The following SLC25A21 variants were observed in gnomAD, a reference collection of about 807,000 sequenced individuals.
SLC25A21 encodes mitochondrial 2-oxodicarboxylate carrier.
SLC25A21 carries 47 observed loss-of-function variants against 43.8 expected under a neutral mutation model. The ratio of observed to expected loss-of-function variants is 1.07; its 90% CI spans 0.85 to 1.37. The LOEUF (loss-of-function observed/expected upper bound fraction) is 1.37. Ranked by LOEUF, SLC25A21 falls within the 40% of genes most tolerant of loss-of-function variation. The pLI is 0.00. For missense variants in SLC25A21, 352 were observed against 350.2 expected (o/e 1.00, Z -0.04); for synonymous variants, 131 against 121.3 (o/e 1.08, Z -0.52).
At chr14:36,984,297 GTGAAGC>G in intron 1 of SLC25A21, among the ~76,000 whole-genome samples, 1 of 152,278 alleles carries the variant, frequency 6.6e-6, no homozygotes, top group East Asian at 1.9e-4. Flanking sequence ...CTGACATTAT[GTGAAGC>G]TGCTCATGAT....
chr14:36,942,374 C>G (rs972815291), intron 1 of SLC25A21, among the ~76,000 whole-genome samples: 2 of 152,144 alleles, frequency 1.3e-5, no homozygotes, highest in Non-Finnish European at 2.9e-5. Flanking sequence ...TATCTTGGGA[C>G]AAGAACTAAG....
intron 3 of SLC25A21, among the ~76,000 whole-genome samples, chr14:36,782,333 A>T (rs1298296946): frequency 6.6e-6 from 1 of 152,036 alleles, no homozygotes; most frequent in Non-Finnish European, 1.5e-5. Context: ...TGCTTTCTCT[A>T]TCTTCTCCCC....
chr14:36,694,026 T>G (rs2139156508), intron 7 of SLC25A21, among the ~76,000 whole-genome samples: 1 of 152,308 alleles, frequency 6.6e-6, no homozygotes, highest in African/African-American at 2.4e-5. Context: ...ACTCATCATT[T>G]ACATTAGGTA....
chr14:36,915,509 C>T (rs761973981), intron 1 of SLC25A21, among the ~76,000 whole-genome samples: 1 of 151,902 alleles, frequency 6.6e-6, no homozygotes, highest in Non-Finnish European at 1.5e-5. Context: ...TAATACTGTC[C>T]ATCTTGTTAG....
intron 2 of SLC25A21, among the ~76,000 whole-genome samples, chr14:36,825,699 T>G (rs922204291): frequency 5.9e-5 from 9 of 152,182 alleles, no homozygotes; most frequent in African/African-American, 2.2e-4. Context: ...AACTCTCTGT[T>G]CTACAAATTG....
intron 1 of SLC25A21, among the ~76,000 whole-genome samples, chr14:37,163,027 A>C (rs1385895641): frequency 6.6e-6 from 1 of 152,054 alleles, no homozygotes; most frequent in East Asian, 1.9e-4. Flanking sequence ...CATTCTCAGT[A>C]AACTATCACA....
At chr14:37,120,190 C>T (rs1594802774) in intron 1 of SLC25A21, among the ~76,000 whole-genome samples, 1 of 152,004 alleles carries the variant, frequency 6.6e-6, no homozygotes, top group East Asian at 1.9e-4. Flanking sequence ...GAAGATTTTC[C>T]CTTCCTTTAA....
Position 37,116,070 on chromosome 14 carries a change from CAA to C in SLC25A21, c.70+56209_70+56210del, listed in dbSNP as rs1433636055. The stretch of plus-strand genomic sequence containing the variant: ...CTTTAACAGAAAGGATAAGAAAACT[CAA>C]AGAGTTTTGAAGTATTGGCTTTAAA... On this transcript the variant is annotated intron_variant, in intron 1 of 9. Transcript: ENST00000331299. 3.9e-5 allele frequency among the ~76,000 whole-genome samples: 6 copies of C among 151,950 alleles called. No individual in the cohort carries two copies. In the South Asian group the frequency reaches 1.2e-3, roughly 31 times the overall value.
intron 3 of SLC25A21, among the ~76,000 whole-genome samples, chr14:36,797,393 C>A (rs1300087641): frequency 6.6e-6 from 1 of 152,098 alleles, no homozygotes; most frequent in African/African-American, 2.4e-5. Context: ...TCCTTAAAAC[C>A]AGTTTCAGAA....
intron 2 of SLC25A21, among the ~76,000 whole-genome samples, chr14:36,843,859 T>C (rs1594634634): frequency 6.6e-6 from 1 of 152,240 alleles, no homozygotes; most frequent in African/African-American, 2.4e-5. Flanking sequence ...CAGTGCAACA[T>C]GTTGCATTCA....
At chr14:36,805,641 T>A (rs1333197194) in intron 3 of SLC25A21, among the ~76,000 whole-genome samples, 1 of 152,040 alleles carries the variant, frequency 6.6e-6, no homozygotes. Flanking sequence ...CTGTTGTTTT[T>A]AAAACTATTG....
At chr14:37,066,897 A>C (rs565828850) in intron 1 of SLC25A21, among the ~76,000 whole-genome samples, 9 of 152,302 alleles carry the variant, frequency 5.9e-5, no homozygotes, top group Non-Finnish European at 1.3e-4. Flanking sequence ...TAAATGTTTA[A>C]AATTATTTTC....
In SLC25A21 at chr14:36,884,216, T is replaced by A. The variant is rs144647942; in HGVS notation, c.71-9212A>T. Among the ~76,000 whole-genome samples the A allele has an allele frequency of 4.9e-3, 743 of 152,282 alleles. 15 individuals are homozygous for A. The highest frequency in any genetic ancestry group is 3.5e-3 in the Non-Finnish European group (238 of 68,024). ...GGGTTCAACTTTTTAAGATACTGCATGTAAGTGCGATCATGCAGTATTTGT... is the reference window on the plus strand; with the variant it reads ...GGGTTCAACTTTTTAAGATACTGCAAGTAAGTGCGATCATGCAGTATTTGT... On this transcript the variant is annotated intron_variant, in intron 1 of 9. Transcript: ENST00000331299.
intron 1 of SLC25A21, among the ~76,000 whole-genome samples, chr14:36,887,379 A>G (rs1001715826): frequency 6.6e-6 from 1 of 152,014 alleles, no homozygotes; most frequent in Non-Finnish European, 1.5e-5. Context: ...CCTGGCCAAC[A>G]TGGTGAAATC....
At chr14:36,927,892 A>G (rs1220048919) in intron 1 of SLC25A21, among the ~76,000 whole-genome samples, 2 of 152,146 alleles carry the variant, frequency 1.3e-5, no homozygotes, top group Non-Finnish European at 2.9e-5. Context: ...ACAGAGCATG[A>G]GCAACTACTT....
rs1339924162 is a variant in SLC25A21, at chr14:36,729,489, A to G, written c.330+18T>C. 6.3e-7 allele frequency: 1 copy of G among 1,577,782 alleles called. No homozygotes were observed. Among genetic ancestry groups the G allele is most frequent in the Admixed American group, 1.8e-5 (1 of 55,604 alleles). ...GAAATAACACACACATTTAAGTATA[A>G]TAAATACTCTCACTTACCAATGCTG... On this transcript the variant is annotated intron_variant, in intron 5 of 9. Coordinates refer to ENST00000331299, the MANE Select transcript of SLC25A21 (RefSeq NM_030631.4).
intron 5 of SLC25A21, among the ~76,000 whole-genome samples, chr14:36,726,839 G>C (rs1002966851): frequency 6.6e-6 from 1 of 152,208 alleles, no homozygotes; most frequent in East Asian, 1.9e-4. Flanking sequence ...AATAAAACCA[G>C]TGAAGAGTAA....
chr14:36,699,526 C>T (rs1883186143), intron 7 of SLC25A21, among the ~76,000 whole-genome samples: 1 of 152,206 alleles, frequency 6.6e-6, no homozygotes, highest in African/African-American at 2.4e-5. Context: ...TTGTCTGCTG[C>T]CTTTTATTCA....
chr14:36,765,585 T>C (rs187449631), intron 3 of SLC25A21, among the ~76,000 whole-genome samples: 5 of 152,286 alleles, frequency 3.3e-5, no homozygotes, highest in African/African-American at 7.2e-5. Context: ...GCTTCCAGTA[T>C]GCTGTGGCCT....
Sources: allele counts gnomAD v4.1 joint callset (sites outside exome capture counted in the v4.1 genomes callset), GRCh38; gene constraint gnomAD v4.1.1; transcripts MANE v1.5; gene names NCBI Gene and HGNC (gene_info 2026-07-23, HGNC 2026-07-21).